MARCHF1: variants seen among roughly 807,000 people sequenced by gnomAD.
MARCHF1 encodes the protein membrane associated ring-CH-type finger 1.
MARCHF1 carries 40 observed loss-of-function variants against 54.2 expected under a neutral mutation model. That is an observed-to-expected ratio of 0.74 (90% CI 0.57 to 0.96). The LOEUF (loss-of-function observed/expected upper bound fraction) is 0.96, where lower values mean the gene tolerates loss of function less well. Ranked by LOEUF, MARCHF1 falls within the 40% of genes least tolerant of loss-of-function variation. The probability of loss-of-function intolerance (pLI) is 0.00; values close to 1 mark genes in which losing one functional copy is unlikely to be tolerated. For synonymous variants in MARCHF1, 236 were observed against 236.3 expected (o/e 1.00, Z 0.01); for missense variants, 586 against 656.5 (o/e 0.89, Z 1.17).
chr4:164,323,648 A>G (rs1394102221), intron 1 of MARCHF1, among the ~76,000 whole-genome samples: 1 of 141,764 alleles, frequency 7.1e-6, no homozygotes, highest in African/African-American at 2.5e-5. Context: ...GAGAACAGGG[A>G]CACATCATTT....
chr4:164,068,961 C>T (rs952747953), intron 2 of MARCHF1, among the ~76,000 whole-genome samples: 1 of 151,882 alleles, frequency 6.6e-6, no homozygotes, highest in African/African-American at 2.4e-5. Flanking sequence ...ATGCACCAAT[C>T]GGCACTCTGT....
intron 8 of MARCHF1, among the ~76,000 whole-genome samples, chr4:163,556,563 T>C (rs1009901510): frequency 6.6e-6 from 1 of 151,828 alleles, no homozygotes; most frequent in Non-Finnish European, 1.5e-5. Context: ...TTTTTTTTTT[T>C]ACTCTCGAGA....
intron 5 of MARCHF1, 59 bp from the exon 6 acceptor site, chr4:163,613,452 T>C (rs966718262): frequency 5.6e-6 from 9 of 1,612,856 alleles, no homozygotes; most frequent in Non-Finnish European, 7.6e-6. Context: ...GGTTGATATC[T>C]TGCTTTTTTT....
chr4:163,575,782 A>C (rs1740016791), intron 8 of MARCHF1, among the ~76,000 whole-genome samples: 1 of 151,722 alleles, frequency 6.6e-6, no homozygotes, highest in Non-Finnish European at 1.5e-5. Context: ...TGGAGATTGC[A>C]TGTTTCCAGA....
chr4:163,806,908 A>G (rs1181968912), intron 4 of MARCHF1, among the ~76,000 whole-genome samples: 1 of 152,238 alleles, frequency 6.6e-6, no homozygotes, highest in East Asian at 1.9e-4. Flanking sequence ...TAAATGTGAA[A>G]AAAAAGTACT....
chr4:164,089,384 T>C (rs1286250561), intron 2 of MARCHF1, among the ~76,000 whole-genome samples: 1 of 152,122 alleles, frequency 6.6e-6, no homozygotes, highest in Non-Finnish European at 1.5e-5. Context: ...AATTGTGCAC[T>C]TCAAAATTTG....
At chr4:163,822,294 C>A (rs1446104504) in intron 4 of MARCHF1, among the ~76,000 whole-genome samples, 1 of 151,800 alleles carries the variant, frequency 6.6e-6, no homozygotes, top group Non-Finnish European at 1.5e-5. Flanking sequence ...ATTATTTCTA[C>A]TTTGTGCAAC....
At chr4:163,999,532 G>T (rs1753145445) in intron 2 of MARCHF1, among the ~76,000 whole-genome samples, 1 of 151,260 alleles carries the variant, frequency 6.6e-6, no homozygotes, top group East Asian at 1.9e-4. Context: ...ATATAAAGAT[G>T]CTTATCAAAC....
chr4:164,335,951 T>TACTA (rs1729729305), intron 1 of MARCHF1, among the ~76,000 whole-genome samples: 1 of 152,170 alleles, frequency 6.6e-6, no homozygotes, highest in Admixed American at 6.6e-5. Flanking sequence ...TGCTATCTAG[T>TACTA]ATTTTCAACA....
intron 4 of MARCHF1, among the ~76,000 whole-genome samples, chr4:163,791,330 T>C (rs936903752): frequency 1.3e-5 from 2 of 152,128 alleles, no homozygotes; most frequent in Non-Finnish European, 2.9e-5. Context: ...GCCACACACA[T>C]ATAGTATTAC....
At chr4:163,579,834 T>A (rs928409205) in intron 8 of MARCHF1, among the ~76,000 whole-genome samples, 1 of 152,166 alleles carries the variant, frequency 6.6e-6, no homozygotes, top group East Asian at 1.9e-4. Context: ...AGAATTGGGT[T>A]CCTATGATAG....
intron 1 of MARCHF1, among the ~76,000 whole-genome samples, chr4:164,172,703 C>T (rs937556721): frequency 1.3e-5 from 2 of 152,162 alleles, no homozygotes; most frequent in Non-Finnish European, 2.9e-5. Context: ...ACAGGCTGGG[C>T]GCGGTGGCTC....
At chr4:163,561,758 AT>A (rs1483850241) in intron 8 of MARCHF1, among the ~76,000 whole-genome samples, 3 of 151,802 alleles carry the variant, frequency 2.0e-5, no homozygotes, top group Admixed American at 1.3e-4. Flanking sequence ...TATTTTGTGA[AT>A]TTTTTTTCTG....
intron 2 of MARCHF1, among the ~76,000 whole-genome samples, chr4:164,082,197 A>G (rs974385765): frequency 6.6e-6 from 1 of 152,196 alleles, no homozygotes. Context: ...GTTTTTCTCC[A>G]GTGAAGCCTG....
At chr4:164,374,218 G>C (rs892213288) in intron 1 of MARCHF1, among the ~76,000 whole-genome samples, 3 of 151,804 alleles carry the variant, frequency 2.0e-5, no homozygotes, top group Non-Finnish European at 4.4e-5. Flanking sequence ...AAATCCACAA[G>C]AAAACTAATT....
chr4:163,583,241 T>C (rs558278863), intron 8 of MARCHF1, among the ~76,000 whole-genome samples: 6 of 152,320 alleles, frequency 3.9e-5, no homozygotes, highest in South Asian at 4.1e-4. Context: ...CATATGGGAA[T>C]GTGGTTCCAG....
intron 3 of MARCHF1, among the ~76,000 whole-genome samples, chr4:163,860,617 C>G (rs1749902164): frequency 6.6e-6 from 1 of 152,152 alleles, no homozygotes; most frequent in Non-Finnish European, 1.5e-5. Flanking sequence ...CACTAAAAGA[C>G]TTTGATTGAA....
chr4:163,896,479 T>C lies in MARCHF1; in HGVS notation c.-38-42310A>G, dbSNP rs375432884. On this transcript the variant is annotated intron_variant, in intron 3 of 9. Coordinates refer to ENST00000514618, the MANE Select transcript of MARCHF1 (RefSeq NM_001394959.1). Reference sequence around the variant, plus strand: ...TTTTTAGGGATTTCTCAGAATCTAATGATATTCACTCCCTTCTTGAAATTC... The same window carrying C: ...TTTTTAGGGATTTCTCAGAATCTAACGATATTCACTCCCTTCTTGAAATTC... 7.2e-5 allele frequency among the ~76,000 whole-genome samples: 11 copies of C among 152,348 alleles called. 1 individual carries two copies. The South Asian group carries it at 1.4e-3, about 20-fold the overall frequency.
chr4:163,966,747 G>A (rs1347910895), intron 3 of MARCHF1, among the ~76,000 whole-genome samples: 1 of 152,078 alleles, frequency 6.6e-6, no homozygotes, highest in Non-Finnish European at 1.5e-5. Context: ...GGAATCACTT[G>A]TCCAGTGCCA....
Sources: gnomAD v4.1 joint callset for allele counts (sites outside exome capture counted in the v4.1 genomes callset) on GRCh38, gnomAD v4.1.1 for gene constraint, MANE v1.5 for transcripts, NCBI Gene and HGNC (gene_info 2026-07-23, HGNC 2026-07-21) for gene names.